SLC22A25: variants seen among roughly 807,000 people sequenced by gnomAD.
SLC22A25 encodes the protein MGI:2442751, MGI:2385316, MGI:3042283, MGI:3645714, MGI:3605624, MGI:2442750.
SLC22A25 carries 44 observed loss-of-function variants against 45.9 expected under a neutral mutation model. The ratio of observed to expected loss-of-function variants is 0.96; its 90% CI spans 0.75 to 1.23. The LOEUF is 1.23. Among genes scored for constraint, SLC22A25 ranks in the 50% most tolerant of loss-of-function variants. The pLI, the probability that SLC22A25 is intolerant of heterozygous loss-of-function variation, is 0.00. For synonymous variants in SLC22A25, 283 were observed against 238.6 expected (o/e 1.19, Z -1.72); for missense variants, 800 against 666.4 (o/e 1.20, Z -2.21).
In SLC22A25 at chr11:63,164,599, C is replaced by A; in HGVS notation, c.1321G>T (p.Gly441Cys). ...ATGCCAAGAGAAGCAGCTCCCACACCCAGGGTTGCCAAAACCACACGCAGG... is the reference window on the plus strand; with the variant it reads ...ATGCCAAGAGAAGCAGCTCCCACACACAGGGTTGCCAAAACCACACGCAGG... ...QTLRVVLATL[G>C]VGAASLGITC... The change falls in exon 11 of 12, where the codon GGT becomes TGT. Residue 441 changes from glycine (G) to cysteine (C), a missense_variant. Transcript: ENST00000306494. 6.2e-7 allele frequency: 1 copy of A among 1,613,766 alleles called. No homozygotes were observed. The highest frequency in any genetic ancestry group is 1.3e-5 in the African/African-American group (1 of 74,996).
intron 7 of SLC22A25, among the ~76,000 whole-genome samples, chr11:63,188,546 T>C (rs2088660532): frequency 6.6e-6 from 1 of 152,224 alleles, no homozygotes; most frequent in Non-Finnish European, 1.5e-5. Context: ...TCTATCTCCT[T>C]CAGTTCTGCT....
At chr11:63,216,572 A>G (rs531311980) in intron 7 of SLC22A25, among the ~76,000 whole-genome samples, 2 of 152,340 alleles carry the variant, frequency 1.3e-5, no homozygotes, top group Admixed American at 1.3e-4. Flanking sequence ...TGTCCTTTGC[A>G]GGGACATGGA....
At chr11:63,183,050 T>C (rs1193103979) in intron 8 of SLC22A25, among the ~76,000 whole-genome samples, 1 of 152,082 alleles carries the variant, frequency 6.6e-6, no homozygotes, top group African/African-American at 2.4e-5. Context: ...ACTATAATTT[T>C]TTGATAAATA....
chr11:63,188,228 T>C (rs1286311335), intron 7 of SLC22A25, among the ~76,000 whole-genome samples: 1 of 152,206 alleles, frequency 6.6e-6, no homozygotes, highest in Non-Finnish European at 1.5e-5. Context: ...TCAGAGCCTG[T>C]TATTGGTCTA....
At chr11:63,214,570 C>G (rs1000505352) in intron 7 of SLC22A25, among the ~76,000 whole-genome samples, 1 of 152,066 alleles carries the variant, frequency 6.6e-6, no homozygotes, top group Non-Finnish European at 1.5e-5. Context: ...TTGTGAAGAC[C>G]CTGTTTCTCT....
At chr11:63,220,405 C>A (rs1410694436) in intron 5 of SLC22A25, among the ~76,000 whole-genome samples, 1 of 152,182 alleles carries the variant, frequency 6.6e-6, no homozygotes, top group African/African-American at 2.4e-5. Context: ...ATAGATAACT[C>A]TGTTTCATCT....
intron 7 of SLC22A25, among the ~76,000 whole-genome samples, chr11:63,185,677 A>G (rs1379042882): frequency 0.016 from 2,129 of 132,756 alleles, 52 homozygotes; most frequent in African/African-American, 0.057. Flanking sequence ...ATATCTCCCA[A>G]TGCTATCCCT....
chr11:63,220,152 TG>T (rs1486715038), intron 5 of SLC22A25: 2 of 482,626 alleles, frequency 4.1e-6, no homozygotes, highest in Non-Finnish European at 6.6e-6. Flanking sequence ...TCTAAAAAGC[TG>T]TTTTTGCAAA....
At chr11:63,194,752 A>G (rs1248268241) in intron 7 of SLC22A25, among the ~76,000 whole-genome samples, 1 of 152,008 alleles carries the variant, frequency 6.6e-6, no homozygotes, top group Admixed American at 6.6e-5. Flanking sequence ...TGCCCCAGTT[A>G]AAAGACACAG....
At chr11:63,184,176 A>C (rs1303395923) in intron 7 of SLC22A25, among the ~76,000 whole-genome samples, 1 of 152,240 alleles carries the variant, frequency 6.6e-6, no homozygotes, top group East Asian at 1.9e-4. Context: ...TCTTTTTCCT[A>C]AAGTAAAGAC....
chr11:63,185,281 T>G (rs913301267), intron 7 of SLC22A25, among the ~76,000 whole-genome samples: 4 of 151,952 alleles, frequency 2.6e-5, no homozygotes, highest in Non-Finnish European at 5.9e-5. Context: ...ATGCTATCCC[T>G]TCCCCCTCCC....
intron 8 of SLC22A25, among the ~76,000 whole-genome samples, chr11:63,182,347 C>G (rs146368933): frequency 1.3e-5 from 2 of 152,046 alleles, no homozygotes; most frequent in Non-Finnish European, 2.9e-5. Flanking sequence ...TGTTTTGAAT[C>G]TCCCTGAACT....
intron 3 of SLC22A25, among the ~76,000 whole-genome samples, chr11:63,233,278 T>C (rs2090103540): frequency 1.3e-5 from 2 of 152,184 alleles, no homozygotes; most frequent in Non-Finnish European, 2.9e-5. Flanking sequence ...CTTATTTTGG[T>C]TGGTAAGCTA....
chr11:63,236,393 T>G (rs1457636541), intron 3 of SLC22A25, among the ~76,000 whole-genome samples: 2 of 152,226 alleles, frequency 1.3e-5, no homozygotes, highest in Non-Finnish European at 2.9e-5. Flanking sequence ...GATCTCAGAC[T>G]GCTGTGCTAG....
At chr11:63,172,259 C>G (rs568924140) in intron 9 of SLC22A25, among the ~76,000 whole-genome samples, 1 of 152,060 alleles carries the variant, frequency 6.6e-6, no homozygotes, top group Non-Finnish European at 1.5e-5. Context: ...ACTAAAACAC[C>G]AAAAGCAATT....
intron 7 of SLC22A25, among the ~76,000 whole-genome samples, chr11:63,187,294 T>A (rs11231400): frequency 0.45 from 69,015 of 151,890 alleles, 15,859 homozygotes; most frequent in East Asian, 0.56. Context: ...GGTATTTTAT[T>A]CTCTTTGAAG....
chr11:63,232,449 T>A (rs1179934969), intron 3 of SLC22A25, among the ~76,000 whole-genome samples: 1 of 152,230 alleles, frequency 6.6e-6, no homozygotes, highest in Non-Finnish European at 1.5e-5. Context: ...GCTATTGGTG[T>A]ATAAGAATGC....
chr11:63,208,853 C>T (rs578171350), intron 7 of SLC22A25, among the ~76,000 whole-genome samples: 5 of 152,158 alleles, frequency 3.3e-5, no homozygotes, highest in African/African-American at 7.2e-5. Flanking sequence ...GGGGAAGGCA[C>T]GTTCCTGGCT....
At position 63,217,433 on chromosome 11, in the gene SLC22A25, T is replaced by G; in HGVS notation, c.711A>C (p.Thr237=). The G allele has an allele frequency of 6.2e-7, 1 of 1,613,914 alleles. No individual in the cohort carries two copies. Among genetic ancestry groups the G allele is most frequent in the Non-Finnish European group, 8.5e-7 (1 of 1,179,916 alleles). The change falls in exon 7 of 12, where the codon ACA becomes ACC. Residue 237 remains threonine (T), a synonymous_variant. Coordinates refer to ENST00000306494, the MANE Select transcript of SLC22A25 (RefSeq NM_199352.6). The stretch of plus-strand genomic sequence containing the variant: ...TATGTCCAATACTAGCAGCACAAAG[T>G]GTCAATGTCAATGCCATGGCACAGA... ...HQFCAMALTL[T]LCAASIGHIT...
Sources: gnomAD v4.1 joint callset for allele counts (sites outside exome capture counted in the v4.1 genomes callset) on GRCh38, gnomAD v4.1.1 for gene constraint, MANE v1.5 for transcripts, NCBI Gene and HGNC (gene_info 2026-07-23, HGNC 2026-07-21) for gene names.